ICE1: variants seen among roughly 807,000 people sequenced by gnomAD.
The protein encoded by ICE1 is interactor of little elongation complex ELL subunit 1.
Under a neutral mutation model 192.7 loss-of-function variants are expected in ICE1, and 64 were observed. The observed-to-expected ratio is 0.33, with a 90% CI of 0.27 to 0.41. The LOEUF (loss-of-function observed/expected upper bound fraction) is 0.41. Among genes scored for constraint, ICE1 ranks in the 10% least tolerant of loss-of-function variants. The probability of loss-of-function intolerance (pLI) is 1.00; values close to 1 mark genes in which losing one functional copy is unlikely to be tolerated. For synonymous variants in ICE1, 1,010 were observed against 984.5 expected, an observed-to-expected ratio of 1.03 and a Z score of -0.49; for missense variants, 2,708 against 2,696.0, an observed-to-expected ratio of 1.00 and a Z score of -0.10.
At position 5,463,943 on chromosome 5, in the gene ICE1, T is replaced by A; in HGVS notation, c.4609T>A (p.Ser1537Thr). Residue 1537 changes from serine to threonine, a missense_variant, in exon 13 of 19, where the codon TCT becomes ACT. By Grantham distance (58) the Ser-to-Thr change is moderately conservative (BLOSUM62 1). This residue lies in a region of ICE1 where 2,366 missense variants were observed against 2,276.6 expected (regional missense o/e 1.04). Transcript: ENST00000296564. The part of the protein sequence containing the change: ...DQNFETQIVA[S>T]DHTYYNSKLE... ...AAACTTCGAGACTCAGATTGTTGCG[T>A]CTGATCACACATATTATAACTCAAA... The A allele has an allele frequency of 6.2e-7, 1 of 1,613,990 alleles. No homozygotes were observed. Among genetic ancestry groups the A allele is most frequent in the Non-Finnish European group, 8.5e-7 (1 of 1,179,878 alleles).
At position 5,464,705 on chromosome 5, in the gene ICE1, AGTGCTATGATAG is replaced by A; in HGVS notation, c.5373_5384del (p.Ser1791_Gly1795delinsArg). ...CTGTAAGAATTTACCGGGACCTGCCAGTGCTATGATAGGATTCAAAACGATCACTTCAGCAGC... is the reference window on the plus strand; with the variant it reads ...CTGTAAGAATTTACCGGGACCTGCCAGATTCAAAACGATCACTTCAGCAGC... On this transcript the variant is annotated inframe_deletion, in exon 13 of 19. Coordinates refer to ENST00000296564, the MANE Select transcript of ICE1 (RefSeq NM_015325.3). This position sits in a 1 kb window ranked among gnomAD's most constrained non-coding sequence, Gnocchi z 4.0. 1 of 1,613,976 alleles carries A rather than the reference AGTGCTATGATAG, an allele frequency of 6.2e-7. No homozygotes were observed. Among genetic ancestry groups the A allele is most frequent in the Non-Finnish European group, 8.5e-7 (1 of 1,179,882 alleles).
intron 17 of ICE1, among the ~76,000 whole-genome samples, chr5:5,486,516 C>T (rs1364079079): frequency 2.0e-5 from 3 of 152,176 alleles, no homozygotes; most frequent in African/African-American, 4.8e-5. Context: ...ATTGGCCCTA[C>T]TGAAACCATT....
chr5:5,436,888 C>A (rs1021408417), intron 2 of ICE1, among the ~76,000 whole-genome samples, 192 bp from the exon 3 acceptor site: 2 of 152,092 alleles, frequency 1.3e-5, no homozygotes, highest in East Asian at 3.9e-4. Flanking sequence ...CTAAAGGTTT[C>A]TAAATAAAAG....
intron 7 of ICE1, among the ~76,000 whole-genome samples, chr5:5,445,823 C>G (rs1738203093): frequency 6.6e-6 from 1 of 151,756 alleles, no homozygotes. Context: ...ACCTCTGTCT[C>G]CCGGGTTCTG....
intron 10 of ICE1, among the ~76,000 whole-genome samples, chr5:5,451,949 A>G (rs896381647): frequency 4.6e-5 from 7 of 152,062 alleles, no homozygotes; most frequent in East Asian, 3.9e-4. Flanking sequence ...TAAATCCACA[A>G]ATTTAGAGTA....
intron 11 of ICE1, among the ~76,000 whole-genome samples, chr5:5,455,679 A>G (rs541643772): frequency 6.6e-6 from 1 of 152,362 alleles, no homozygotes; most frequent in South Asian, 2.1e-4. Context: ...TTATTATACC[A>G]TAAGACATAT....
At chr5:5,436,516 C>G (rs754890465) in intron 2 of ICE1, 40 bp downstream of exon 2, 3 of 1,229,102 alleles carry the variant, frequency 2.4e-6, no homozygotes, top group Non-Finnish European at 3.3e-6. Flanking sequence ...ACTTTGTAAA[C>G]CTGACAAACT....
intron 1 of ICE1, among the ~76,000 whole-genome samples, chr5:5,430,060 G>A (rs2080047416): frequency 6.6e-6 from 1 of 152,188 alleles, no homozygotes; most frequent in South Asian, 2.1e-4. Flanking sequence ...GAAGAGGAGA[G>A]CAGGGCTGCT....
intron 1 of ICE1, among the ~76,000 whole-genome samples, chr5:5,435,578 A>G (rs995680469): frequency 6.6e-6 from 1 of 152,024 alleles, no homozygotes; most frequent in African/African-American, 2.4e-5. Flanking sequence ...TCATTTTAAA[A>G]TCTTAGGAAC....
rs952060059 is a variant in ICE1 at position 5,447,640 on chromosome 5, A to G, written c.508-81A>G. The G allele has an allele frequency of 5.0e-6, 7 of 1,411,596 alleles. No individual in the cohort carries two copies. The African/African-American group carries it at 8.6e-5, about 17-fold the overall frequency. The allele number at this position is 1,411,596 out of a possible 1,614,324, so 87.4% of individuals were successfully genotyped here. A position where few individuals can be genotyped will look rare whatever the true frequency, so the allele number is the denominator to read the frequency against. On this transcript the variant is annotated intron_variant, in intron 8 of 18. Transcript: ENST00000296564. ...CAAAAACAGTCCCAGCTGCCTGTTA[A>G]GTTGCACCTGTTTTACATTTGGTCT...
intron 1 of ICE1, 31 bp downstream of exon 1, chr5:5,423,030 G>T (rs1017912188): frequency 1.8e-5 from 24 of 1,316,004 alleles, no homozygotes; most frequent in Admixed American, 3.6e-5. Context: ...CCGGGCGCGG[G>T]GGGGGACTCG....
chr5:5,422,890 T>A lies in ICE1; in HGVS notation c.-26T>A. On this transcript the variant is annotated 5_prime_UTR_variant, in exon 1 of 19. Coordinates refer to ENST00000296564, the MANE Select transcript of ICE1 (RefSeq NM_015325.3). ...ACGCCGCGGGCCCCTGAGGCGTGCG[T>A]GCCCACCGGGCCCGGCGGCGGCACC... is the stretch of plus-strand genomic sequence containing the variant. 1 of 1,356,240 alleles carries A rather than the reference T, an allele frequency of 7.4e-7. No individual in the cohort carries two copies. The highest frequency in any genetic ancestry group is 9.5e-7 in the Non-Finnish European group (1 of 1,054,792). 84.0% of individuals were successfully genotyped at this position (1,356,240 alleles called of 1,614,324 possible). A position where few individuals can be genotyped will look rare whatever the true frequency, so the allele number is the denominator to read the frequency against.
In ICE1 at chr5:5,473,582, A is replaced by G. The variant is rs756568163; in HGVS notation, c.6247A>G (p.Met2083Val). 1.2e-6 allele frequency: 2 copies of G among 1,611,020 alleles called. No homozygotes were observed. ...GAATGCCCCGGTAGATGTTGGCTTCATGGTTTCTAAGCTGCTTTTGACCAT... is the reference window on the plus strand; with the variant it reads ...GAATGCCCCGGTAGATGTTGGCTTCGTGGTTTCTAAGCTGCTTTTGACCAT... ...EKNAPVDVGF[M>V]VSKLLLTIQL... Residue 2083 changes from methionine (M) to valine (V), a missense_variant, in exon 16 of 19, where the codon ATG (methionine) becomes GTG (valine). By Grantham distance (21) the Met-to-Val change is conservative. Around this residue, in one of 2 missense-constraint regions of ICE1, gnomAD observed 342 missense variants for 419.3 expected, o/e 0.82. Coordinates refer to ENST00000296564, the MANE Select transcript of ICE1 (RefSeq NM_015325.3).
At chr5:5,423,946 T>G (rs575195017) in intron 1 of ICE1, among the ~76,000 whole-genome samples, 1 of 152,332 alleles carries the variant, frequency 6.6e-6, no homozygotes, top group East Asian at 1.9e-4. Context: ...GGAATATTGG[T>G]CTTGTCTCTT....
intron 16 of ICE1, among the ~76,000 whole-genome samples, chr5:5,475,559 A>G (rs1739283821): frequency 6.6e-6 from 1 of 152,196 alleles, no homozygotes; most frequent in South Asian, 2.1e-4. Flanking sequence ...CCTCTGGCTT[A>G]GCTCCTTTTG....
chr5:5,479,651 T>G (rs1739438607), intron 17 of ICE1, among the ~76,000 whole-genome samples: 1 of 152,194 alleles, frequency 6.6e-6, no homozygotes, highest in Non-Finnish European at 1.5e-5. Flanking sequence ...ACACATATGT[T>G]TATTGCAGCA....
rs1738770409 is a variant in ICE1, at chr5:5,461,318, A to G, written c.1984A>G (p.Lys662Glu). The change falls in exon 13 of 19, where the codon AAA (lysine) becomes GAA (glutamate). Residue 662 changes from lysine to glutamate, a missense_variant. Physicochemically the swap from Lys to Glu is moderately conservative, Grantham distance 56 (BLOSUM62 1). Around this residue, in one of 2 missense-constraint regions of ICE1, gnomAD observed 2,366 missense variants for 2,276.6 expected, o/e 1.04. Transcript: ENST00000296564. Reference protein sequence around the residue: ...DCGNDTDITTKVFSTEPHHSE... With the variant: ...DCGNDTDITTEVFSTEPHHSE... Reference sequence around the variant, plus strand: ...TGGTAATGATACAGATATTACTACTAAAGTATTCTCTACTGAACCGCATCA... The same window carrying G: ...TGGTAATGATACAGATATTACTACTGAAGTATTCTCTACTGAACCGCATCA... The G allele has an allele frequency of 3.7e-6, 6 of 1,613,886 alleles. No individual in the cohort carries two copies. The highest frequency in any genetic ancestry group is 5.1e-6 in the Non-Finnish European group (6 of 1,179,808).
chr5:5,466,834 G>T (rs568605266), intron 14 of ICE1, among the ~76,000 whole-genome samples: 1 of 152,284 alleles, frequency 6.6e-6, no homozygotes, highest in Admixed American at 6.5e-5. Context: ...TGTACCACTA[G>T]GTGGAAAGGG....
intron 17 of ICE1, among the ~76,000 whole-genome samples, chr5:5,476,720 T>C (rs1739324901): frequency 1.3e-5 from 2 of 152,158 alleles, no homozygotes; most frequent in African/African-American, 2.4e-5. Flanking sequence ...AAGGCATTCA[T>C]GAGGGATCCG....
Sources: gnomAD v4.1 joint callset for allele counts (sites outside exome capture counted in the v4.1 genomes callset) on GRCh38, gnomAD v4.1.1 for gene constraint, gnomAD v4.1.1 regional missense constraint, Gnocchi (gnomAD v3.1) non-coding constraint, MANE v1.5 for transcripts, NCBI Gene and HGNC (gene_info 2026-07-23, HGNC 2026-07-21) for gene names.